CACNA1H: variants seen among roughly 807,000 people sequenced by gnomAD.
The protein encoded by CACNA1H is calcium voltage-gated channel subunit alpha1 H.
Under a neutral mutation model 192.5 loss-of-function variants are expected in CACNA1H, and 149 were observed. The ratio of observed to expected loss-of-function variants is 0.77; its 90% CI spans 0.68 to 0.89. The LOEUF (loss-of-function observed/expected upper bound fraction) is 0.89. CACNA1H is among the 40% of genes least tolerant of loss of function. CACNA1H has a pLI of 0.00. For missense variants in CACNA1H, 4,257 were observed against 3,423.5 expected, an observed-to-expected ratio of 1.24 and a Z score of -6.08; for synonymous variants, 2,202 against 1,475.2, an observed-to-expected ratio of 1.49 and a Z score of -11.29.
At chr16:1,191,687 G>T (rs1488903755) in intron 2 of CACNA1H, among the ~76,000 whole-genome samples, 1 of 116,722 alleles carries the variant, frequency 8.6e-6, no homozygotes, top group Admixed American at 8.4e-5. Context: ...TGGCCTGGCT[G>T]TGTGGCCTCA....
At chr16:1,191,863 G>C (rs1966652094) in intron 2 of CACNA1H, among the ~76,000 whole-genome samples, 1 of 147,262 alleles carries the variant, frequency 6.8e-6, no homozygotes. Context: ...GGCACACTCA[G>C]GGTTTTGGTG....
chr16:1,177,697 G>A (rs117766218), intron 2 of CACNA1H, among the ~76,000 whole-genome samples: 3,731 of 152,104 alleles, frequency 0.025, 51 homozygotes, highest in South Asian at 0.048. Flanking sequence ...TCCCAGGGAA[G>A]GGCTGGGCAG....
At chr16:1,194,894 G>A in intron 2 of CACNA1H, 78 bp from the exon 3 acceptor site, 2 of 1,076,334 alleles carry the variant, frequency 1.9e-6, no homozygotes, top group African/African-American at 1.5e-5. Flanking sequence ...GGCTCCGGCT[G>A]ACCGGGTGGG....
At chr16:1,199,000 A>AC in intron 6 of CACNA1H, 1 of 474,730 alleles carries the variant, frequency 2.1e-6, no homozygotes, top group Non-Finnish European at 3.6e-6. Context: ...GGCTCCGCCC[A>AC]CGGTGCAGTC....
chr16:1,195,048 G>C lies in CACNA1H; in HGVS notation c.376G>C (p.Val126Leu). The C allele has an allele frequency of 6.2e-7, 1 of 1,610,458 alleles. No homozygotes were observed. ...TLGMFRPCED[V>L]ECGSERCNIL... ...GGGCATGTTCCGGCCCTGTGAGGACGTTGAGTGCGGCTCCGAGCGCTGCAA... is the reference window on the plus strand; with the variant it reads ...GGGCATGTTCCGGCCCTGTGAGGACCTTGAGTGCGGCTCCGAGCGCTGCAA... The change falls in exon 3 of 35, where the codon GTT becomes CTT. Residue 126 changes from valine to leucine, a missense_variant. By Grantham distance (32) the Val-to-Leu change is conservative (BLOSUM62 1). Transcript: ENST00000348261.
Position 1,180,841 on chromosome 16 carries a change from C to T in CACNA1H, c.300-14131C>T, listed in dbSNP as rs954353663. 7.9e-5 allele frequency among the ~76,000 whole-genome samples: 12 copies of T among 152,176 alleles called. No homozygotes were observed. Among genetic ancestry groups the T allele is most frequent in the Admixed American group, 7.2e-4 (11 of 15,288 alleles). ...GTCCACAGCCACCCCGCCCTGGACT[C>T]CCCGGGCCAGCACCCGACCTGGCCG... On this transcript the variant is annotated intron_variant, in intron 2 of 34. Coordinates refer to ENST00000348261, the MANE Select transcript of CACNA1H (RefSeq NM_021098.3). This position sits in a 1 kb window ranked among gnomAD's most constrained non-coding sequence, Gnocchi z 4.4.
chr16:1,210,058 A>C lies in CACNA1H; in HGVS notation c.3768A>C (p.Lys1256Asn). 1 of 1,553,668 alleles carries C rather than the reference A, an allele frequency of 6.4e-7. No individual in the cohort carries two copies. Among genetic ancestry groups the C allele is most frequent in the Non-Finnish European group, 8.7e-7 (1 of 1,149,110 alleles). The change falls in exon 18 of 35, where the codon AAA becomes AAC. Residue 1256 changes from lysine (K) to asparagine (N), a missense_variant. Transcript: ENST00000348261. The part of the protein sequence containing the change: ...SEDSCCLRLH[K>N]VLEPYKPQWC... ...AGAGCTGCTGCCTCCGCCTGCATAA[A>C]GTGCTGGAGCCCTACAAGCCCCAGT...
chr16:1,209,607 C>CA (rs1969184075), intron 17 of CACNA1H, 195 bp downstream of exon 17: 3 of 686,540 alleles, frequency 4.4e-6, no homozygotes, highest in Non-Finnish European at 7.2e-6. Flanking sequence ...AGAGTCCCCC[C>CA]TCTGCCGTCT....
In CACNA1H at chr16:1,195,531, T is replaced by G; in HGVS notation, c.511T>G (p.Trp171Gly). 6.2e-7 allele frequency: 1 copy of G among 1,605,618 alleles called. No individual in the cohort carries two copies. The change falls in exon 4 of 35, where the codon TGG becomes GGG. Residue 171 changes from tryptophan to glycine, a missense_variant. By Grantham distance (184) the Trp-to-Gly change is radical. Coordinates refer to ENST00000348261, the MANE Select transcript of CACNA1H (RefSeq NM_021098.3). ...FGQKCYLGDT[W>G]NRLDFFIVVA... ...GCAGAAGTGTTACCTGGGTGACACG[T>G]GGAACAGGCTGGATTTCTTCATCGT...
Position 1,221,461 on chromosome 16 carries a change from C to G in CACNA1H, c.*467C>G, listed in dbSNP as rs938760192. On this transcript the variant is annotated 3_prime_UTR_variant, in exon 35 of 35. Coordinates refer to ENST00000348261, the MANE Select transcript of CACNA1H (RefSeq NM_021098.3). ...CTGAGTTCTTGTCCGCCTGTCACGC[C>G]CTCACCACCCTCCCCTTCCAGCCAC... 2.8e-6 allele frequency: 1 copy of G among 353,366 alleles called. No individual in the cohort carries two copies. The highest frequency in any genetic ancestry group is 2.1e-5 in the African/African-American group (1 of 46,640). 21.9% of individuals were successfully genotyped at this position (353,366 alleles called of 1,614,324 possible).
Position 1,153,933 on chromosome 16 carries a change from G to C in CACNA1H, c.196G>C (p.Glu66Gln), listed in dbSNP as rs1242757641. 1 of 1,456,572 alleles carries C rather than the reference G, an allele frequency of 6.9e-7. No homozygotes were observed. The allele number at this position is 1,456,572 out of a possible 1,614,324, so 90.2% of individuals were successfully genotyped here. Residue 66 changes from glutamate (E) to glutamine (Q), a missense_variant, in exon 2 of 35, where the codon GAG (glutamate) becomes CAG (glutamine). By Grantham distance (29) the Glu-to-Gln change is conservative (BLOSUM62 2). Coordinates refer to ENST00000348261, the MANE Select transcript of CACNA1H (RefSeq NM_021098.3). ...GCGCGGCGCGGAGCTGGGTGCCGACGAGGAGCAGCGCGTCCCGTACCCGGC... is the reference window on the plus strand; with the variant it reads ...GCGCGGCGCGGAGCTGGGTGCCGACCAGGAGCAGCGCGTCCCGTACCCGGC... ...AERGAELGAD[E>Q]EQRVPYPALA...
chr16:1,201,912 A>G lies in CACNA1H; in HGVS notation c.1462A>G (p.Lys488Glu), dbSNP rs1320321537. 1.3e-6 allele frequency: 2 copies of G among 1,550,204 alleles called. No individual in the cohort carries two copies. Reference protein sequence around the residue: ...LYARWQSRWRKKVDPSAVQGQ... With the variant: ...LYARWQSRWREKVDPSAVQGQ... ...CGCCCGCTGGCAGAGCCGCTGGCGC[A>G]AGAAGGTGGACCCCAGTGCTGTGCA... Residue 488 changes from lysine to glutamate, a missense_variant, in exon 9 of 35, where the codon AAG (lysine) becomes GAG (glutamate). Physicochemically the swap from Lys to Glu is moderately conservative, Grantham distance 56 (BLOSUM62 1). Coordinates refer to ENST00000348261, the MANE Select transcript of CACNA1H (RefSeq NM_021098.3).
At chr16:1,170,512 G>C (rs7200924) in intron 2 of CACNA1H, among the ~76,000 whole-genome samples, 132,304 of 152,270 alleles carry the variant, frequency 0.87, 57,957 homozygotes, top group East Asian at 1. Flanking sequence ...GACGTACCCC[G>C]ACACCGGCCT....
chr16:1,181,248 G>A (rs990712534), intron 2 of CACNA1H, among the ~76,000 whole-genome samples: 2 of 152,264 alleles, frequency 1.3e-5, no homozygotes, highest in African/African-American at 4.8e-5. Context: ...AGATGGGCAA[G>A]GGTGAGGCCA....
chr16:1,153,769 T>A lies in CACNA1H; in HGVS notation c.32T>A (p.Val11Asp). 8.2e-7 allele frequency: 1 copy of A among 1,219,172 alleles called. No individual in the cohort carries two copies. The highest frequency in any genetic ancestry group is 1.0e-6 in the Non-Finnish European group (1 of 980,160). The allele number at this position is 1,219,172 out of a possible 1,614,324, so 75.5% of individuals were successfully genotyped here. A position where few individuals can be genotyped will look rare whatever the true frequency, so the allele number is the denominator to read the frequency against. The change falls in exon 2 of 35, where the codon GTC becomes GAC. Residue 11 changes from valine (V) to aspartate (D), a missense_variant. Physicochemically the swap from Val to Asp is radical, Grantham distance 152 (BLOSUM62 -3). Transcript: ENST00000348261. ...GAGGGCGCACGGGCCGCCGACGAGG[T>A]CCGGGTGCCCCTGGGCGCGCCGCCC... Reference protein sequence around the residue: MTEGARAADEVRVPLGAPPPG... With the variant: MTEGARAADEDRVPLGAPPPG...
In CACNA1H at chr16:1,153,952, A is replaced by T; in HGVS notation, c.215A>T (p.Tyr72Phe). The part of the protein sequence containing the change: ...LGADEEQRVP[Y>F]PALAATVFFC... ...GCCGACGAGGAGCAGCGCGTCCCGT[A>T]CCCGGCCTTGGCGGCCACGGTCTTC... The change falls in exon 2 of 35, where the codon TAC (tyrosine) becomes TTC (phenylalanine). Residue 72 changes from tyrosine to phenylalanine, a missense_variant. Transcript: ENST00000348261. The T allele has an allele frequency of 6.9e-7, 1 of 1,450,312 alleles. No homozygotes were observed. 89.8% of individuals were successfully genotyped at this position (1,450,312 alleles called of 1,614,324 possible). A position where few individuals can be genotyped will look rare whatever the true frequency, so the allele number is the denominator to read the frequency against.
chr16:1,159,500 G>A (rs533217022), intron 2 of CACNA1H: 1 of 152,634 alleles, frequency 6.6e-6, no homozygotes, highest in South Asian at 2.1e-4. Context: ...CCGGTGTGAT[G>A]ACCCAGTTCC....
rs778021390 is a variant in CACNA1H at position 1,171,254 on chromosome 16, C to G, written c.299+17218C>G. Among the ~76,000 whole-genome samples the G allele has an allele frequency of 6.6e-5, 10 of 152,280 alleles. No individual in the cohort carries two copies. In the East Asian group the frequency reaches 1.9e-3, roughly 29 times the overall value. On this transcript the variant is annotated intron_variant, in intron 2 of 34. Transcript: ENST00000348261. Reference sequence around the variant, plus strand: ...CTCGTGGGGAGGTCTCTCGGGCAGCCTGCTCTGTGGGGCCCTCCTGGGCGG... The same window carrying G: ...CTCGTGGGGAGGTCTCTCGGGCAGCGTGCTCTGTGGGGCCCTCCTGGGCGG...
rs1413413209 is a variant in CACNA1H, at chr16:1,211,811, C to T, written c.4566+6C>T. 4.3e-6 allele frequency: 7 copies of T among 1,612,152 alleles called. No individual in the cohort carries two copies. The highest frequency in any genetic ancestry group is 1.1e-5 in the South Asian group (1 of 91,086). ...CCGTGGGTGTCGACCAGCAGGTGCGCACAGGCGGGTCGAGCTGGGTCACCT... is the reference window on the plus strand; with the variant it reads ...CCGTGGGTGTCGACCAGCAGGTGCGTACAGGCGGGTCGAGCTGGGTCACCT... On this transcript the variant is annotated splice_donor_region_variant and intron_variant, in intron 24 of 34. Coordinates refer to ENST00000348261, the MANE Select transcript of CACNA1H (RefSeq NM_021098.3).
Sources: gnomAD v4.1 joint callset for allele counts (sites outside exome capture counted in the v4.1 genomes callset) on GRCh38, gnomAD v4.1.1 for gene constraint, Gnocchi (gnomAD v3.1) non-coding constraint, MANE v1.5 for transcripts, NCBI Gene and HGNC (gene_info 2026-07-23, HGNC 2026-07-21) for gene names.